Variants in RASA2 observed in about 807,000 individuals in gnomAD.
RASA2 encodes the protein ras GTPase-activating protein 2.
In RASA2, 155 loss-of-function variants were observed where a neutral mutation model predicts 118.2. The ratio of observed to expected loss-of-function variants is 1.31; its 90% confidence interval spans 1.15 to 1.50. The LOEUF (loss-of-function observed/expected upper bound fraction) is 1.50. Among genes scored for constraint, RASA2 ranks in the 40% most tolerant of loss-of-function variants. RASA2 has a pLI of 0.00. For missense variants in RASA2, 1,016 were observed against 1,009.6 expected (o/e 1.01, Z -0.09); for synonymous variants, 353 against 349.1 (o/e 1.01, Z -0.12).
chr3:141,582,638 C>T (rs2083133370), intron 17 of RASA2, among the ~76,000 whole-genome samples: 1 of 152,150 alleles, frequency 6.6e-6, no homozygotes, highest in South Asian at 2.1e-4. Flanking sequence ...AATGGACTAT[C>T]GCCATAGTGT....
intron 16 of RASA2, 95 bp from the exon 17 acceptor site, chr3:141,581,005 C>T (rs990073577): frequency 8.0e-7 from 1 of 1,247,992 alleles, no homozygotes. Flanking sequence ...ATAATTGAGT[C>T]CTTTTAGGCC....
intron 3 of RASA2, among the ~76,000 whole-genome samples, chr3:141,518,834 A>G (rs578235691): frequency 3.1e-4 from 47 of 152,124 alleles, no homozygotes; most frequent in Non-Finnish European, 6.2e-4. Flanking sequence ...TATTTCATAC[A>G]TTTGTATTAC....
chr3:141,501,316 T>A (rs2081775872), intron 1 of RASA2, among the ~76,000 whole-genome samples: 1 of 152,216 alleles, frequency 6.6e-6, no homozygotes, highest in South Asian at 2.1e-4. Context: ...CCAGTTGTTA[T>A]ATTACAGGTT....
chr3:141,526,093 G>C (rs1258707781), intron 3 of RASA2: 1 of 152,088 alleles, frequency 6.6e-6, no homozygotes, highest in African/African-American at 2.4e-5. Context: ...ACCTGTTAGC[G>C]GCAAGTTTAA....
intron 19 of RASA2, among the ~76,000 whole-genome samples, chr3:141,598,564 G>T (rs183144668): frequency 2.0e-5 from 3 of 152,188 alleles, no homozygotes; most frequent in African/African-American, 2.4e-5. Flanking sequence ...AGTAAGACAA[G>T]AAATAAAAGG....
chr3:141,523,184 G>T (rs1027392812), intron 3 of RASA2, among the ~76,000 whole-genome samples: 1 of 151,232 alleles, frequency 6.6e-6, no homozygotes, highest in Non-Finnish European at 1.5e-5. Flanking sequence ...GCTGGAGTGC[G>T]TTGGCATGAT....
chr3:141,545,263 A>G (rs1057363601), intron 5 of RASA2, among the ~76,000 whole-genome samples: 5 of 152,164 alleles, frequency 3.3e-5, no homozygotes. Context: ...TCACATTGCT[A>G]TAAAGAAATA....
chr3:141,551,411 T>A (rs1261973561), intron 5 of RASA2, among the ~76,000 whole-genome samples: 2 of 152,204 alleles, frequency 1.3e-5, no homozygotes, highest in Non-Finnish European at 2.9e-5. Context: ...TCTTTTCAAA[T>A]GGTTCTTTCC....
At chr3:141,584,330 CAAAAAAAAA>C (rs56396460) in intron 17 of RASA2, among the ~76,000 whole-genome samples, 1 of 60,684 alleles carries the variant, frequency 1.6e-5, no homozygotes, top group Admixed American at 2.1e-4. Flanking sequence ...AACTCCATCC[CAAAAAAAAA>C]AAAAAAAAAA....
intron 1 of RASA2, among the ~76,000 whole-genome samples, chr3:141,492,068 AG>A (rs1418716934): frequency 6.6e-6 from 1 of 152,192 alleles, no homozygotes; most frequent in Non-Finnish European, 1.5e-5. Context: ...TGGGGAGAAA[AG>A]GGTTCTTTGT....
At chr3:141,527,646 G>A (rs1026130845) in intron 3 of RASA2, among the ~76,000 whole-genome samples, 1 of 151,876 alleles carries the variant, frequency 6.6e-6, no homozygotes, top group African/African-American at 2.4e-5. Context: ...TGAATACTTT[G>A]TCATAATTTT....
intron 9 of RASA2, among the ~76,000 whole-genome samples, chr3:141,561,577 T>C (rs2082730434): frequency 6.6e-6 from 1 of 152,242 alleles, no homozygotes; most frequent in African/African-American, 2.4e-5. Flanking sequence ...CCATTTCTTT[T>C]AAGTTGGAAA....
intron 9 of RASA2, among the ~76,000 whole-genome samples, chr3:141,566,343 G>A (rs1385501824): frequency 6.6e-6 from 1 of 152,154 alleles, no homozygotes; most frequent in African/African-American, 2.4e-5. Flanking sequence ...ATCTAACCAA[G>A]CCTCTAGATC....
In RASA2 at chr3:141,533,614, C is replaced by G. The variant is rs143831038; in HGVS notation, c.450+3812C>G. 1.4e-3 allele frequency among the ~76,000 whole-genome samples: 219 copies of G among 152,264 alleles called. 7 individuals are homozygous for G. In the East Asian group the frequency reaches 0.024, roughly 17 times the overall value. ...TATAACCTCTTACCTTGAATTGTCT[C>G]CCAGAGATAATTTTTTATTATTGCT... On this transcript the variant is annotated intron_variant, in intron 4 of 23. Coordinates refer to ENST00000286364, the MANE Select transcript of RASA2 (RefSeq NM_006506.5).
intron 4 of RASA2, among the ~76,000 whole-genome samples, chr3:141,531,516 G>A (rs2151095674): frequency 6.6e-6 from 1 of 150,570 alleles, no homozygotes; most frequent in East Asian, 1.9e-4. Context: ...CATACACATG[G>A]GTATGCATAT....
intron 1 of RASA2, among the ~76,000 whole-genome samples, chr3:141,495,255 A>G (rs2081686408): frequency 6.6e-6 from 1 of 152,240 alleles, no homozygotes; most frequent in Admixed American, 6.5e-5. Flanking sequence ...AGCTAAGTAA[A>G]TTGACCAAGG....
intron 9 of RASA2, among the ~76,000 whole-genome samples, chr3:141,570,278 G>C (rs1454446469): frequency 6.6e-6 from 1 of 151,700 alleles, no homozygotes; most frequent in Non-Finnish European, 1.5e-5. Context: ...CTGGAGTACA[G>C]TGGCGGGATC....
Position 141,572,611 on chromosome 3 carries a change from A to T in RASA2, c.1172A>T (p.Asp391Val). Residue 391 changes from aspartate to valine, a missense_variant and splice_region_variant, in exon 12 of 24, where the codon GAT becomes GTT. Around this residue, in one of 2 missense-constraint regions of RASA2, gnomAD observed 896 missense variants for 836.4 expected, o/e 1.07. Coordinates refer to ENST00000286364, the MANE Select transcript of RASA2 (RefSeq NM_006506.5). Reference sequence around the variant, plus strand: ...GGTTTCATCTATTTCTATTTCAGAGATGCAAACACAATTTTTAGAGGAAAT... The same window carrying T: ...GGTTTCATCTATTTCTATTTCAGAGTTGCAAACACAATTTTTAGAGGAAAT... ...VAELDLKDTQ[D>V]ANTIFRGNSL... 1.2e-6 allele frequency: 2 copies of T among 1,608,884 alleles called. No individual in the cohort carries two copies. Among genetic ancestry groups the T allele is most frequent in the Non-Finnish European group, 1.7e-6 (2 of 1,175,498 alleles).
At chr3:141,529,476 A>G (rs2082228184) in intron 3 of RASA2, among the ~76,000 whole-genome samples, 1 of 152,122 alleles carries the variant, frequency 6.6e-6, no homozygotes, top group Non-Finnish European at 1.5e-5. Context: ...GTTTTATCTA[A>G]TCCCCTGATT....
Sources: gnomAD v4.1 joint callset for allele counts (sites outside exome capture counted in the v4.1 genomes callset) on GRCh38, gnomAD v4.1.1 for gene constraint, gnomAD v4.1.1 regional missense constraint, MANE v1.5 for transcripts, NCBI Gene and HGNC (gene_info 2026-07-23, HGNC 2026-07-21) for gene names.